The following POLR2B variants were observed in gnomAD, a reference collection of about 807,000 sequenced individuals.
POLR2B encodes RNA polymerase II subunit B.
Under a neutral mutation model 144.6 loss-of-function variants are expected in POLR2B, and 57 were observed. The observed-to-expected ratio is 0.39, with a 90% CI of 0.32 to 0.49. The LOEUF (loss-of-function observed/expected upper bound fraction) is 0.49, where lower values mean the gene tolerates loss of function less well. Ranked by LOEUF, POLR2B falls within the 20% of genes least tolerant of loss-of-function variation. POLR2B has a pLI of 0.83. For synonymous variants in POLR2B, 442 were observed against 469.8 expected (o/e 0.94, Z 0.77); for missense variants, 595 against 1,467.4 (o/e 0.41, Z 9.71).
At chr4:57,006,114 TTTTATTCTTGATGTTTGTA>T (rs1560478230) in intron 9 of POLR2B, among the ~76,000 whole-genome samples, 1 of 152,252 alleles carries the variant, frequency 6.6e-6, no homozygotes, top group Non-Finnish European at 1.5e-5. Flanking sequence ...CAGTTTTTAA[TTTTATTCTTGATGTTTGTA>T]TATTTCCCAT....
intron 10 of POLR2B, 38 bp downstream of exon 10, chr4:57,007,040 A>G: frequency 3.7e-6 from 5 of 1,347,650 alleles, no homozygotes; most frequent in Non-Finnish European, 5.3e-6. Context: ...TCAATAGGAA[A>G]CATGTTTATA....
Position 57,021,002 on chromosome 4 carries a change from ATT to A in POLR2B, c.2420+10_2420+11del. 3 of 1,473,428 alleles carry A rather than the reference ATT, an allele frequency of 2.0e-6. No individual in the cohort carries two copies. Among genetic ancestry groups the A allele is most frequent in the South Asian group, 1.1e-5 (1 of 87,774 alleles). 91.3% of individuals were successfully genotyped at this position (1,473,428 alleles called of 1,614,324 possible). A position where few individuals can be genotyped will look rare whatever the true frequency, so the allele number is the denominator to read the frequency against. On this transcript the variant is annotated splice_region_variant and intron_variant, in intron 17 of 24. Coordinates refer to ENST00000314595, the MANE Select transcript of POLR2B (RefSeq NM_000938.3). ...TAGACCGCGGCTTCTTCAGGTTAGT[ATT>A]TTGTAAATTTGTCAAAACACAGATA...
At chr4:57,000,571 G>A (rs560317001) in intron 7 of POLR2B, among the ~76,000 whole-genome samples, 1 of 152,226 alleles carries the variant, frequency 6.6e-6, no homozygotes, top group East Asian at 1.9e-4. Context: ...CCATCGGAGA[G>A]TAAGTTATAG....
At chr4:57,026,890 A>G (rs1170454666) in intron 23 of POLR2B, among the ~76,000 whole-genome samples, 1 of 152,272 alleles carries the variant, frequency 6.6e-6, no homozygotes, top group African/African-American at 2.4e-5. Context: ...GGCTTAATAG[A>G]AACAGCTGGA....
chr4:56,993,380 TA>T (rs1196390325), intron 3 of POLR2B, among the ~76,000 whole-genome samples: 2 of 152,184 alleles, frequency 1.3e-5, no homozygotes, highest in Non-Finnish European at 2.9e-5. Flanking sequence ...ATGATTAAGA[TA>T]ATAATGACCT....
At chr4:56,990,970 G>A in intron 3 of POLR2B, 72 bp downstream of exon 3, 1 of 1,320,276 alleles carries the variant, frequency 7.6e-7, no homozygotes, top group South Asian at 1.5e-5. Flanking sequence ...TCTCTTACCT[G>A]GCTTAAAGGT....
In POLR2B at chr4:57,017,080, A is replaced by G. The variant is rs765272264; in HGVS notation, c.1993A>G (p.Ile665Val). 3 of 1,613,204 alleles carry G rather than the reference A, an allele frequency of 1.9e-6. No individual in the cohort carries two copies. The highest frequency in any genetic ancestry group is 2.5e-6 in the Non-Finnish European group (3 of 1,179,668). Residue 665 changes from isoleucine (I) to valine (V), a missense_variant, in exon 15 of 25, where the codon ATT (isoleucine) becomes GTT (valine). Physicochemically the swap from Ile to Val is conservative, Grantham distance 29. This residue lies in a region of POLR2B where 59 missense variants were observed against 84.2 expected (regional missense o/e 0.70). Transcript: ENST00000314595. The surrounding 1 kb of genome is among the most constrained non-coding windows in gnomAD (Gnocchi z 4.8). ...TGTGGCCAGTGGGGTAGTGGAGTAT[A>G]TTGATACCCTGGAAGAAGAAACAGT... ...DLVASGVVEY[I>V]DTLEEETVML...
At chr4:56,979,090 T>G in intron 1 of POLR2B, 86 bp downstream of exon 1, 3 of 1,358,102 alleles carry the variant, frequency 2.2e-6, no homozygotes, top group Non-Finnish European at 3.2e-6. Context: ...ATTTGGGGCC[T>G]TCCCATGCGC....
At chr4:56,998,514 C>T (rs1421130674) in intron 6 of POLR2B, among the ~76,000 whole-genome samples, 1 of 151,480 alleles carries the variant, frequency 6.6e-6, no homozygotes, top group Non-Finnish European at 1.5e-5. Flanking sequence ...GCCACCGTGC[C>T]CAGCCTAAAA....
chr4:56,982,138 G>T (rs1361513698), intron 1 of POLR2B, among the ~76,000 whole-genome samples: 1 of 152,002 alleles, frequency 6.6e-6, no homozygotes, highest in Non-Finnish European at 1.5e-5. Flanking sequence ...AAAATCTGGG[G>T]TATCTAACTG....
In POLR2B at chr4:57,005,458, T is replaced by C. The variant is rs947476944; in HGVS notation, c.1097+16T>C. On this transcript the variant is annotated intron_variant, in intron 8 of 24. Coordinates refer to ENST00000314595, the MANE Select transcript of POLR2B (RefSeq NM_000938.3). Reference sequence around the variant, plus strand: ...ATTTCTTGGGGTATGTTAAGTTTCATTGTTTTAAGTTCTTTATCAAGATAC... The same window carrying C: ...ATTTCTTGGGGTATGTTAAGTTTCACTGTTTTAAGTTCTTTATCAAGATAC... The C allele has an allele frequency of 1.3e-6, 2 of 1,534,504 alleles. No homozygotes were observed. The highest frequency in any genetic ancestry group is 2.8e-5 in the African/African-American group (2 of 71,700).
At chr4:57,004,341 T>G (rs1718838) in intron 7 of POLR2B, among the ~76,000 whole-genome samples, 134,190 of 150,160 alleles carry the variant, frequency 0.89, 59,987 homozygotes, top group East Asian at 0.97. Context: ...GAGCCTCCAT[T>G]CCCAGCAAAT....
At chr4:56,986,523 G>T (rs902716995) in intron 2 of POLR2B, 97 bp downstream of exon 2, 2 of 677,234 alleles carry the variant, frequency 3.0e-6, no homozygotes, top group East Asian at 2.7e-5. Context: ...TATGCTACAT[G>T]AGAGTAGTTA....
intron 6 of POLR2B, among the ~76,000 whole-genome samples, chr4:56,997,052 CACTGCA>C (rs1722713532): frequency 6.6e-6 from 1 of 151,928 alleles, no homozygotes. Context: ...AGATTGGCGC[CACTGCA>C]CACCAGCGTG....
intron 13 of POLR2B, among the ~76,000 whole-genome samples, chr4:57,012,179 C>T (rs940895581): frequency 4.6e-5 from 7 of 151,882 alleles, no homozygotes; most frequent in East Asian, 3.9e-4. Flanking sequence ...TTGAGGCAGG[C>T]GGATCACTTG....
At chr4:57,030,750 C>T in intron 24 of POLR2B, 149 bp from the exon 25 acceptor site, 1 of 588,170 alleles carries the variant, frequency 1.7e-6, no homozygotes, top group South Asian at 2.3e-5. Context: ...GAGAAAGAAC[C>T]ACCATAAGCT....
At chr4:57,029,130 G>GTT (rs1233720932) in intron 23 of POLR2B, among the ~76,000 whole-genome samples, 3 of 152,000 alleles carry the variant, frequency 2.0e-5, no homozygotes, top group African/African-American at 7.2e-5. Flanking sequence ...GAGATTTAGC[G>GTT]TTTGAGTTTT....
intron 10 of POLR2B, among the ~76,000 whole-genome samples, 185 bp downstream of exon 10, chr4:57,007,187 A>T (rs1262380887): frequency 2.0e-5 from 3 of 152,200 alleles, no homozygotes; most frequent in Non-Finnish European, 2.9e-5. Flanking sequence ...GGTGGGCTGG[A>T]TCACCTGAGG....
intron 23 of POLR2B, among the ~76,000 whole-genome samples, chr4:57,028,074 TTGTC>T (rs1305168702): frequency 2.0e-5 from 3 of 152,228 alleles, no homozygotes; most frequent in Non-Finnish European, 2.9e-5. Flanking sequence ...GTTCATTTCT[TTGTC>T]TGCCAAATAT....
Sources: gnomAD v4.1 joint callset for allele counts (sites outside exome capture counted in the v4.1 genomes callset) on GRCh38, gnomAD v4.1.1 for gene constraint, gnomAD v4.1.1 regional missense constraint, Gnocchi (gnomAD v3.1) non-coding constraint, MANE v1.5 for transcripts, NCBI Gene and HGNC (gene_info 2026-07-23, HGNC 2026-07-21) for gene names.